Variants in EGFLAM observed in about 807,000 individuals in gnomAD.
EGFLAM encodes pikachurin.
In EGFLAM, 79 loss-of-function variants were observed where a neutral mutation model predicts 113.1. The observed-to-expected ratio is 0.70, with a 90% CI of 0.58 to 0.84. The LOEUF (loss-of-function observed/expected upper bound fraction) is 0.84. Among genes scored for constraint, EGFLAM ranks in the 40% least tolerant of loss-of-function variants. The probability of loss-of-function intolerance (pLI) is 0.00; values close to 1 mark genes in which losing one functional copy is unlikely to be tolerated. For synonymous variants in EGFLAM, 504 were observed against 487.6 expected, an observed-to-expected ratio of 1.03 and a Z score of -0.44; for missense variants, 1,265 against 1,291.6, an observed-to-expected ratio of 0.98 and a Z score of 0.32.
intron 6 of EGFLAM, among the ~76,000 whole-genome samples, chr5:38,394,727 T>TG (rs1372941730): frequency 6.6e-6 from 1 of 150,648 alleles, no homozygotes; most frequent in Non-Finnish European, 1.5e-5. Context: ...TTTTTTTTTT[T>TG]TTTTAACTCT....
intron 20 of EGFLAM, 93 bp downstream of exon 20, chr5:38,458,487 C>A: frequency 1.6e-6 from 2 of 1,273,228 alleles, no homozygotes; most frequent in East Asian, 2.4e-5. Flanking sequence ...TCCTGTTCCC[C>A]AACTTTGCCT....
intron 1 of EGFLAM, among the ~76,000 whole-genome samples, chr5:38,293,256 G>T (rs1758376903): frequency 6.6e-6 from 1 of 152,232 alleles, no homozygotes; most frequent in Non-Finnish European, 1.5e-5. Context: ...TTGAGTTCCA[G>T]TTCCTATGCC....
At chr5:38,334,203 C>T (rs894973645) in intron 1 of EGFLAM, among the ~76,000 whole-genome samples, 9 of 152,132 alleles carry the variant, frequency 5.9e-5, no homozygotes, top group African/African-American at 1.7e-4. Flanking sequence ...GGATTACAGG[C>T]GTGAGCCACC....
rs376996608 is a variant in EGFLAM at position 38,393,620 on chromosome 5, A to T, written c.713-12506A>T. ...TCCCTTGACCCCCTTCGTGGGCTGG[A>T]ACTGGAGTGGCTGGTTTCACTCAGC... On this transcript the variant is annotated intron_variant, in intron 6 of 21. Transcript: ENST00000322350. 4.5e-4 allele frequency among the ~76,000 whole-genome samples: 69 copies of T among 152,352 alleles called. No homozygotes were observed. In the South Asian group the frequency reaches 0.014, roughly 32 times the overall value.
At chr5:38,461,350 A>G (rs987651423) in intron 20 of EGFLAM, 3 of 152,232 alleles carry the variant, frequency 2.0e-5, no homozygotes, top group African/African-American at 7.2e-5. Flanking sequence ...AATAAACATG[A>G]TAAAGAAGCA....
chr5:38,360,046 C>T (rs1739879057), intron 5 of EGFLAM, among the ~76,000 whole-genome samples: 1 of 152,192 alleles, frequency 6.6e-6, no homozygotes, highest in Non-Finnish European at 1.5e-5. Context: ...CAAAAGTCAT[C>T]TCTCCTTCCA....
intron 1 of EGFLAM, among the ~76,000 whole-genome samples, chr5:38,306,921 C>T (rs1377916566): frequency 2.0e-5 from 3 of 152,300 alleles, no homozygotes; most frequent in East Asian, 3.9e-4. Flanking sequence ...AGTCCTCACA[C>T]AGGAGAATCA....
chr5:38,286,752 A>G (rs929065790), intron 1 of EGFLAM, among the ~76,000 whole-genome samples: 1 of 152,250 alleles, frequency 6.6e-6, no homozygotes, highest in African/African-American at 2.4e-5. Flanking sequence ...ATACTTTGCC[A>G]TCGGCACCAT....
chr5:38,414,209 T>A (rs1741572175), intron 11 of EGFLAM, among the ~76,000 whole-genome samples: 1 of 152,224 alleles, frequency 6.6e-6, no homozygotes, highest in African/African-American at 2.4e-5. Flanking sequence ...TTAGTAAATG[T>A]GAATCCAGGG....
chr5:38,350,534 G>C lies in EGFLAM; in HGVS notation c.325G>C (p.Glu109Gln). 1 of 1,614,006 alleles carries C rather than the reference G, an allele frequency of 6.2e-7. No homozygotes were observed. Among genetic ancestry groups the C allele is most frequent in the Non-Finnish European group, 8.5e-7 (1 of 1,179,936 alleles). ...GATTGGAGATTTGAAACCAGGCACTGAATATCGTGTGAGCATAGCAGCTTA... is the reference window on the plus strand; with the variant it reads ...GATTGGAGATTTGAAACCAGGCACTCAATATCGTGTGAGCATAGCAGCTTA... ...EVIGDLKPGT[E>Q]YRVSIAAYSQ... The change falls in exon 4 of 22, where the codon GAA becomes CAA. Residue 109 changes from glutamate to glutamine, a missense_variant. Coordinates refer to ENST00000322350, the MANE Select transcript of EGFLAM (RefSeq NM_152403.4).
At chr5:38,458,774 A>G (rs888359196) in intron 20 of EGFLAM, among the ~76,000 whole-genome samples, 1 of 152,054 alleles carries the variant, frequency 6.6e-6, no homozygotes, top group Non-Finnish European at 1.5e-5. Flanking sequence ...TGAGCTCAGG[A>G]GTTTGAAACC....
At chr5:38,435,082 AT>A (rs2112217695) in intron 15 of EGFLAM, 54 bp from the exon 16 acceptor site, 3 of 1,484,196 alleles carry the variant, frequency 2.0e-6, no homozygotes, top group African/African-American at 1.4e-5. Context: ...ACATTTGATC[AT>A]TTTGAACATC....
Position 38,438,287 on chromosome 5 carries a change from G to A in EGFLAM, c.2296G>A (p.Asp766Asn). The A allele has an allele frequency of 6.2e-7, 1 of 1,613,142 alleles. No homozygotes were observed. Among genetic ancestry groups the A allele is most frequent in the Admixed American group, 1.7e-5 (1 of 59,930 alleles). The change falls in exon 17 of 22, where the codon GAC becomes AAC. Residue 766 changes from aspartate to asparagine, a missense_variant. Asp to Asn is a conservative substitution (Grantham distance 23). Coordinates refer to ENST00000322350, the MANE Select transcript of EGFLAM (RefSeq NM_152403.4). ...TTTCTCTCTCAAGATCATCCTGAAT[G>A]ACCGAACCATCCATGTGAAGCATGA... is the stretch of plus-strand genomic sequence containing the variant. The part of the protein sequence containing the change: ...SGSIQKIILN[D>N]RTIHVKHDFT...
chr5:38,377,361 C>A (rs1356122071), intron 6 of EGFLAM, among the ~76,000 whole-genome samples: 2 of 151,978 alleles, frequency 1.3e-5, no homozygotes, highest in Non-Finnish European at 2.9e-5. Context: ...CCAGGGTGGT[C>A]TGGAGCTCCT....
At chr5:38,383,235 G>A (rs1740562814) in intron 6 of EGFLAM, among the ~76,000 whole-genome samples, 1 of 152,282 alleles carries the variant, frequency 6.6e-6, no homozygotes, top group Non-Finnish European at 1.5e-5. Context: ...TTTCTTCAGC[G>A]TTCTTTGGCG....
intron 1 of EGFLAM, among the ~76,000 whole-genome samples, chr5:38,291,860 C>T (rs897461035): frequency 1.3e-5 from 2 of 152,206 alleles, no homozygotes; most frequent in Admixed American, 6.5e-5. Flanking sequence ...GGAAATTCCA[C>T]CTGGCTCTTC....
At chr5:38,389,767 T>C (rs1740762229) in intron 6 of EGFLAM, among the ~76,000 whole-genome samples, 2 of 152,150 alleles carry the variant, frequency 1.3e-5, no homozygotes, top group African/African-American at 4.8e-5. Flanking sequence ...GATTTTGTTT[T>C]CTATATTCAC....
At chr5:38,450,841 C>T (rs896323655) in intron 18 of EGFLAM, among the ~76,000 whole-genome samples, 8 of 152,190 alleles carry the variant, frequency 5.3e-5, no homozygotes, top group Non-Finnish European at 7.3e-5. Flanking sequence ...GAGACGCCAT[C>T]GCTTGGGTAT....
chr5:38,382,799 T>C (rs919810893), intron 6 of EGFLAM, among the ~76,000 whole-genome samples: 6 of 152,194 alleles, frequency 3.9e-5, no homozygotes, highest in Non-Finnish European at 8.8e-5. Context: ...TTCCCACTGA[T>C]ATGAGGAGCC....
Sources: allele counts gnomAD v4.1 joint callset (sites outside exome capture counted in the v4.1 genomes callset), GRCh38; gene constraint gnomAD v4.1.1; transcripts MANE v1.5; gene names NCBI Gene and HGNC (gene_info 2026-07-23, HGNC 2026-07-21).